Variants in WDFY4 observed in about 807,000 individuals in gnomAD.
The protein encoded by WDFY4 is WDFY family member 4.
A neutral mutation model predicts 351.9 loss-of-function variants in WDFY4; 169 were observed. The ratio of observed to expected loss-of-function variants is 0.48; its 90% CI spans 0.42 to 0.55. The LOEUF (loss-of-function observed/expected upper bound fraction) is 0.55. Among genes scored for constraint, WDFY4 ranks in the 20% least tolerant of loss-of-function variants. The pLI is 0.00. For synonymous variants in WDFY4, 1,622 were observed against 1,574.6 expected, an observed-to-expected ratio of 1.03 and a Z score of -0.71; for missense variants, 3,803 against 3,935.6, an observed-to-expected ratio of 0.97 and a Z score of 0.90.
chr10:48,970,923 G>A (rs558319945), intron 57 of WDFY4, among the ~76,000 whole-genome samples: 5 of 152,258 alleles, frequency 3.3e-5, no homozygotes, highest in Admixed American at 1.3e-4. Context: ...TAATCGCAGC[G>A]GCACTTAACG....
intron 47 of WDFY4, among the ~76,000 whole-genome samples, chr10:48,908,397 A>G (rs910766797): frequency 6.6e-6 from 1 of 152,198 alleles, no homozygotes; most frequent in Non-Finnish European, 1.5e-5. Context: ...GTTTCTATTT[A>G]TTTTGCAACT....
Position 48,877,175 on chromosome 10 carries a change from A to T in WDFY4, c.7143A>T (p.Leu2381Phe). The change falls in exon 43 of 62, where the codon TTA becomes TTT. Residue 2381 changes from leucine (L) to phenylalanine (F), a missense_variant. Coordinates refer to ENST00000325239, the MANE Select transcript of WDFY4 (RefSeq NM_001394531.1). ...LELCRERQVI[L>F]QELLDKEKVT... ...TGTGTCGGGAAAGACAAGTTATTTTACAAGAGCTTCTTGATAAAGAAAAGG... is the reference window on the plus strand; with the variant it reads ...TGTGTCGGGAAAGACAAGTTATTTTTCAAGAGCTTCTTGATAAAGAAAAGG... 2 of 1,551,610 alleles carry T rather than the reference A, an allele frequency of 1.3e-6. No homozygotes were observed. Among genetic ancestry groups the T allele is most frequent in the Non-Finnish European group, 1.7e-6 (2 of 1,146,942 alleles).
intron 12 of WDFY4, among the ~76,000 whole-genome samples, chr10:48,751,208 G>A (rs2065171457): frequency 6.6e-6 from 1 of 152,232 alleles, no homozygotes; most frequent in South Asian, 2.1e-4. Context: ...AGTCTGGGGA[G>A]GAGGTCAGCG....
Position 48,743,419 on chromosome 10 carries a change from C to T in WDFY4, c.2330C>T (p.Thr777Ile). 4.5e-6 allele frequency: 7 copies of T among 1,551,444 alleles called. No homozygotes were observed. Among genetic ancestry groups the T allele is most frequent in the Non-Finnish European group, 5.2e-6 (6 of 1,146,976 alleles). The change falls in exon 12 of 62, where the codon ACC (threonine) becomes ATC (isoleucine). Residue 777 changes from threonine to isoleucine, a missense_variant. By Grantham distance (89) the Thr-to-Ile change is moderately conservative. Around this residue, in one of 3 missense-constraint regions of WDFY4, gnomAD observed 3,054 missense variants for 3,148.6 expected, o/e 0.97. Transcript: ENST00000325239. ...TTTCTGGACAGCATGGCCAGCGGCA[C>T]CCTCCACTTGCGTGGGGACCTGAAG... Reference protein sequence around the residue: ...LGFLDSMASGTLHLRGDLKES... With the variant: ...LGFLDSMASGILHLRGDLKES...
intron 39 of WDFY4, among the ~76,000 whole-genome samples, chr10:48,863,546 A>C (rs987885113): frequency 1.3e-5 from 2 of 151,808 alleles, no homozygotes; most frequent in African/African-American, 4.8e-5. Flanking sequence ...AAATTGGATT[A>C]TTTTTCTTTT....
At chr10:48,793,983 A>G (rs895965274) in intron 23 of WDFY4, among the ~76,000 whole-genome samples, 7 of 152,158 alleles carry the variant, frequency 4.6e-5, no homozygotes, top group Non-Finnish European at 8.8e-5. Context: ...AGAGGAGGAT[A>G]CTGTTCCAGA....
Position 48,789,890 on chromosome 10 carries a change from G to T in WDFY4, c.3971G>T (p.Arg1324Leu), listed in dbSNP as rs1399143403. 3.9e-6 allele frequency: 6 copies of T among 1,552,234 alleles called. No individual in the cohort carries two copies. The highest frequency in any genetic ancestry group is 5.2e-6 in the Non-Finnish European group (6 of 1,147,146). Residue 1324 changes from arginine (R) to leucine (L), a missense_variant, in exon 22 of 62, where the codon CGT (arginine) becomes CTT (leucine). By Grantham distance (102) the Arg-to-Leu change is moderately radical (BLOSUM62 -2). Around this residue, in one of 3 missense-constraint regions of WDFY4, gnomAD observed 3,054 missense variants for 3,148.6 expected, o/e 0.97. Coordinates refer to ENST00000325239, the MANE Select transcript of WDFY4 (RefSeq NM_001394531.1). ...TTTCTCTAGATGAACATTTCATCCCGTGACAATGCCATGCCCGTGTTCTTG... is the reference window on the plus strand; with the variant it reads ...TTTCTCTAGATGAACATTTCATCCCTTGACAATGCCATGCCCGTGTTCTTG... ...LIAKEMNISS[R>L]DNAMPVFLLR...
chr10:48,920,123 G>GA (rs35251721), intron 47 of WDFY4, among the ~76,000 whole-genome samples: 35 of 148,562 alleles, frequency 2.4e-4, no homozygotes, highest in South Asian at 8.5e-4. Context: ...AGACTAAAAA[G>GA]AAAAAAAAAA....
intron 23 of WDFY4, among the ~76,000 whole-genome samples, chr10:48,791,417 T>C (rs1056805804): frequency 3.9e-5 from 6 of 152,262 alleles, no homozygotes; most frequent in African/African-American, 1.4e-4. Flanking sequence ...GAATGAGTGC[T>C]AAGTAAATGT....
At chr10:48,957,060 T>C in intron 51 of WDFY4, 69 bp from the exon 52 acceptor site, 1 of 1,516,280 alleles carries the variant, frequency 6.6e-7, no homozygotes, top group African/African-American at 1.4e-5. Flanking sequence ...TGAGGCAGAA[T>C]GGACGGTGCC....
intron 47 of WDFY4, among the ~76,000 whole-genome samples, chr10:48,924,167 G>T (rs527320630): frequency 1.3e-5 from 2 of 152,190 alleles, no homozygotes; most frequent in Non-Finnish European, 2.9e-5. Context: ...AGGCAGCCCC[G>T]GGGCCAGATG....
intron 43 of WDFY4, among the ~76,000 whole-genome samples, chr10:48,889,262 A>G (rs945928005): frequency 6.6e-6 from 1 of 152,204 alleles, no homozygotes; most frequent in Admixed American, 6.5e-5. Context: ...GCCCTGGATC[A>G]TAGTGGTTAA....
chr10:48,929,989 G>T (rs1839892868), intron 47 of WDFY4, among the ~76,000 whole-genome samples: 1 of 151,834 alleles, frequency 6.6e-6, no homozygotes. Flanking sequence ...TGCATTACTT[G>T]TTATGCTTGC....
chr10:48,836,568 T>C (rs1027433863), intron 39 of WDFY4, among the ~76,000 whole-genome samples: 2 of 152,236 alleles, frequency 1.3e-5, no homozygotes, highest in Non-Finnish European at 2.9e-5. Flanking sequence ...AGACATATGA[T>C]ATAGAATTCA....
chr10:48,969,114 C>T lies in WDFY4; in HGVS notation c.8635C>T (p.His2879Tyr). 6.4e-7 allele frequency: 1 copy of T among 1,551,756 alleles called. No individual in the cohort carries two copies. The highest frequency in any genetic ancestry group is 8.7e-7 in the Non-Finnish European group (1 of 1,146,982). Residue 2879 changes from histidine to tyrosine, a missense_variant, in exon 56 of 62, where the codon CAC becomes TAC. Physicochemically the swap from His to Tyr is moderately conservative, Grantham distance 83. Around this residue, in one of 3 missense-constraint regions of WDFY4, gnomAD observed 3,054 missense variants for 3,148.6 expected, o/e 0.97. Transcript: ENST00000325239. ...GSESPKGAIG[H>Y]IVSTEKTILA... ...AGAGTCCCCCAAAGGGGCCATTGGC[C>T]ACATTGTCTCTACTGAGAAGACCAT... is the stretch of plus-strand genomic sequence containing the variant.
chr10:48,803,509 G>A lies in WDFY4; in HGVS notation c.4484+150G>A, dbSNP rs375614846. On this transcript the variant is annotated intron_variant, in intron 25 of 61. Transcript: ENST00000325239. ...TCCTTCCCAGTGGCTCATGCTTGTG[G>A]GGCAGTCTCCTCTCATGGTCTCGGG... is the stretch of plus-strand genomic sequence containing the variant. 2.6e-4 allele frequency: 205 copies of A among 783,332 alleles called. 4 individuals are homozygous for A. In the South Asian group the frequency reaches 3.6e-3, roughly 14 times the overall value. 48.5% of individuals were successfully genotyped at this position (783,332 alleles called of 1,614,324 possible). A position where few individuals can be genotyped will look rare whatever the true frequency, so the allele number is the denominator to read the frequency against.
At chr10:48,714,450 G>A (rs1216637518) in intron 2 of WDFY4, among the ~76,000 whole-genome samples, 1 of 152,228 alleles carries the variant, frequency 6.6e-6, no homozygotes, top group Admixed American at 6.5e-5. Flanking sequence ...GACTTCTGTG[G>A]TGTGCAGAGT....
intron 39 of WDFY4, among the ~76,000 whole-genome samples, chr10:48,861,154 C>G (rs1280255540): frequency 6.6e-6 from 1 of 152,124 alleles, no homozygotes; most frequent in Non-Finnish European, 1.5e-5. Context: ...TTTCTCTACA[C>G]TCGTTTAAAA....
chr10:48,689,700 A>G (rs2063146207), intron 1 of WDFY4, among the ~76,000 whole-genome samples: 1 of 152,200 alleles, frequency 6.6e-6, no homozygotes, highest in Non-Finnish European at 1.5e-5. Flanking sequence ...AGAGGCTTTC[A>G]TGGGAATAGA....
Sources: gnomAD v4.1 joint callset for allele counts (sites outside exome capture counted in the v4.1 genomes callset) on GRCh38, gnomAD v4.1.1 for gene constraint, gnomAD v4.1.1 regional missense constraint, MANE v1.5 for transcripts, NCBI Gene and HGNC (gene_info 2026-07-23, HGNC 2026-07-21) for gene names.